NUDCD1: variants seen among roughly 807,000 people sequenced by gnomAD.
NUDCD1 encodes the protein nudC domain-containing protein 1.
Under a neutral mutation model 67.8 loss-of-function variants are expected in NUDCD1, and 60 were observed. The ratio of observed to expected loss-of-function variants is 0.88; its 90% CI spans 0.72 to 1.10. The LOEUF is 1.10. Ranked by LOEUF, NUDCD1 falls within the 50% of genes least tolerant of loss-of-function variation. The pLI is 0.00. For missense variants in NUDCD1, 643 were observed against 695.0 expected, an observed-to-expected ratio of 0.93 and a Z score of 0.84; for synonymous variants, 244 against 230.8, an observed-to-expected ratio of 1.06 and a Z score of -0.52.
intron 8 of NUDCD1, among the ~76,000 whole-genome samples, chr8:109,267,601 A>G (rs1194603027): frequency 6.6e-6 from 1 of 152,216 alleles, no homozygotes; most frequent in Non-Finnish European, 1.5e-5. Context: ...TCATAAAAAG[A>G]AAGTTTGGTT....
At chr8:109,276,652 T>G in intron 6 of NUDCD1, among the ~76,000 whole-genome samples, 1 of 152,112 alleles carries the variant, frequency 6.6e-6, no homozygotes, top group Admixed American at 6.6e-5. Flanking sequence ...AAGCCCAGAT[T>G]TAGTTACATC....
chr8:109,250,227 C>T (rs1220080334), intron 8 of NUDCD1, among the ~76,000 whole-genome samples: 2 of 152,116 alleles, frequency 1.3e-5, no homozygotes. Flanking sequence ...TAAATTCTAG[C>T]TTCCCTATTT....
At chr8:109,324,248 G>C (rs1334329333) in intron 1 of NUDCD1, among the ~76,000 whole-genome samples, 2 of 150,780 alleles carry the variant, frequency 1.3e-5, no homozygotes, top group African/African-American at 4.9e-5. Flanking sequence ...GATCTTAATA[G>C]ACATTTCTCA....
At chr8:109,333,782 C>T (rs753577251) in intron 1 of NUDCD1, 111 bp downstream of exon 1, 75 of 1,206,342 alleles carry the variant, frequency 6.2e-5, no homozygotes, top group Non-Finnish European at 8.3e-5. Context: ...ACGCAAGCCG[C>T]CACGGTGGCT....
At chr8:109,314,233 G>T (rs1230778436) in intron 2 of NUDCD1, among the ~76,000 whole-genome samples, 2 of 151,972 alleles carry the variant, frequency 1.3e-5, no homozygotes, top group South Asian at 4.2e-4. Flanking sequence ...TACGTTCAAG[G>T]GCTAACACTG....
chr8:109,325,879 T>C (rs1044757611), intron 1 of NUDCD1, among the ~76,000 whole-genome samples: 2 of 152,238 alleles, frequency 1.3e-5, no homozygotes, highest in Middle Eastern at 6.3e-3. Flanking sequence ...ATTAGAAAGC[T>C]ATTGCAATCA....
chr8:109,331,959 G>A (rs1402880941), intron 1 of NUDCD1, among the ~76,000 whole-genome samples: 1 of 152,192 alleles, frequency 6.6e-6, no homozygotes, highest in Non-Finnish European at 1.5e-5. Context: ...ATATAAGAGT[G>A]CAAGGATGTC....
intron 2 of NUDCD1, among the ~76,000 whole-genome samples, chr8:109,297,184 T>C (rs764146976): frequency 4.6e-5 from 7 of 152,158 alleles, no homozygotes; most frequent in Non-Finnish European, 8.8e-5. Context: ...TTCTCTTAAT[T>C]TTAGAGTTAA....
chr8:109,288,911 G>A (rs2926270), intron 5 of NUDCD1, among the ~76,000 whole-genome samples: 54,680 of 151,652 alleles, frequency 0.36, 10,684 homozygotes, highest in South Asian at 0.5. Context: ...ATGTTCTCTT[G>A]AACAGCTTTA....
chr8:109,264,350 C>T lies in NUDCD1; in HGVS notation c.1299+6655G>A, dbSNP rs1406542908. ...GAACAAAACTTAGAATTTTGAAGAACTCATATTTATCACCATGAGGATAAT... is the reference window on the plus strand; with the variant it reads ...GAACAAAACTTAGAATTTTGAAGAATTCATATTTATCACCATGAGGATAAT... On this transcript the variant is annotated intron_variant, in intron 8 of 9. Coordinates refer to ENST00000239690, the MANE Select transcript of NUDCD1 (RefSeq NM_032869.4). Among the ~76,000 whole-genome samples the T allele has an allele frequency of 2.0e-5, 3 of 152,138 alleles. No individual in the cohort carries two copies. The East Asian group carries it at 5.8e-4, about 29-fold the overall frequency.
At chr8:109,285,638 A>C (rs1300099668) in intron 5 of NUDCD1, among the ~76,000 whole-genome samples, 2 of 152,176 alleles carry the variant, frequency 1.3e-5, no homozygotes, top group Non-Finnish European at 2.9e-5. Flanking sequence ...ATCCTTAAGA[A>C]ACTAGGCATC....
chr8:109,273,904 T>C (rs1409121391), intron 7 of NUDCD1, among the ~76,000 whole-genome samples: 2 of 151,972 alleles, frequency 1.3e-5, no homozygotes, highest in Non-Finnish European at 2.9e-5. Flanking sequence ...TCCTCACAAA[T>C]AGACATAAAA....
chr8:109,258,873 C>T (rs1437836019), intron 8 of NUDCD1, among the ~76,000 whole-genome samples: 1 of 152,108 alleles, frequency 6.6e-6, no homozygotes, highest in Non-Finnish European at 1.5e-5. Flanking sequence ...AAGACTTCTG[C>T]ACATAAGTCC....
At chr8:109,282,843 CAA>C (rs61423717) in intron 5 of NUDCD1, among the ~76,000 whole-genome samples, 1 of 140,220 alleles carries the variant, frequency 7.1e-6, no homozygotes, top group Non-Finnish European at 1.6e-5. Context: ...AAAAAAATTC[CAA>C]AAAAAAAAAG....
At chr8:109,329,518 A>G (rs1287607439) in intron 1 of NUDCD1, among the ~76,000 whole-genome samples, 1 of 152,202 alleles carries the variant, frequency 6.6e-6, no homozygotes, top group African/African-American at 2.4e-5. Context: ...ATAATGTGAG[A>G]TTTCTCATCA....
intron 5 of NUDCD1, among the ~76,000 whole-genome samples, chr8:109,282,926 C>A (rs556787749): frequency 2.6e-5 from 4 of 151,272 alleles, no homozygotes; most frequent in Middle Eastern, 6.8e-3. Context: ...ATATCACTAG[C>A]TTTCTAGAAA....
intron 8 of NUDCD1, among the ~76,000 whole-genome samples, chr8:109,266,232 ATT>A (rs143631846): frequency 1.4e-5 from 2 of 147,692 alleles, no homozygotes; most frequent in African/African-American, 2.5e-5. Flanking sequence ...ATTAGTAATA[ATT>A]TTTTTTTTTG....
At chr8:109,293,241 A>T (rs1202496449) in intron 4 of NUDCD1, 103 bp downstream of exon 4, 2 of 571,800 alleles carry the variant, frequency 3.5e-6, no homozygotes, top group Non-Finnish European at 6.0e-6. Context: ...ATTGTAACAC[A>T]ATGCCCAAGA....
At chr8:109,322,670 G>A (rs751658989) in intron 1 of NUDCD1, among the ~76,000 whole-genome samples, 24 of 152,188 alleles carry the variant, frequency 1.6e-4, no homozygotes, top group African/African-American at 3.6e-4. Flanking sequence ...ATGGTCCCAC[G>A]TCCTTACAAG....
Sources: gnomAD v4.1 joint callset for allele counts (sites outside exome capture counted in the v4.1 genomes callset) on GRCh38, gnomAD v4.1.1 for gene constraint, MANE v1.5 for transcripts, NCBI Gene and HGNC (gene_info 2026-07-23, HGNC 2026-07-21) for gene names.